The following TBC1D1 variants were observed in gnomAD, a reference collection of about 807,000 sequenced individuals.
The protein encoded by TBC1D1 is TBC1 domain family member 1.
In TBC1D1, 89 loss-of-function variants were observed where a neutral mutation model predicts 125.6. The observed-to-expected ratio is 0.71, with a 90% CI of 0.60 to 0.85. The LOEUF (loss-of-function observed/expected upper bound fraction) is 0.85, where lower values mean the gene tolerates loss of function less well. TBC1D1 is among the 40% of genes least tolerant of loss of function. The probability of loss-of-function intolerance (pLI) is 0.00; values close to 1 mark genes in which losing one functional copy is unlikely to be tolerated. For missense variants in TBC1D1, 1,377 were observed against 1,469.2 expected (o/e 0.94, Z 1.03); for synonymous variants, 565 against 564.1 (o/e 1.00, Z -0.02).
At chr4:38,097,467 G>A (rs184298401) in intron 14 of TBC1D1, among the ~76,000 whole-genome samples, 8 of 151,784 alleles carry the variant, frequency 5.3e-5, no homozygotes, top group African/African-American at 1.7e-4. Flanking sequence ...AGCCTCCTGA[G>A]TAGCTGGGAC....
At chr4:37,964,447 T>G (rs1455445319) in intron 2 of TBC1D1, among the ~76,000 whole-genome samples, 2 of 152,226 alleles carry the variant, frequency 1.3e-5, no homozygotes, top group Non-Finnish European at 2.9e-5. Flanking sequence ...CCCATTAGGC[T>G]GTGGCGAGGA....
intron 1 of TBC1D1, among the ~76,000 whole-genome samples, chr4:37,897,626 T>C (rs1294105153): frequency 1.3e-5 from 2 of 152,248 alleles, no homozygotes; most frequent in Non-Finnish European, 2.9e-5. Context: ...TGTACATCTA[T>C]ACTCTAAGAA....
At chr4:38,124,817 T>C (rs1764380402) in intron 17 of TBC1D1, 145 bp from the exon 20 acceptor site, 10 of 609,764 alleles carry the variant, frequency 1.6e-5, no homozygotes, top group East Asian at 1.3e-4. Context: ...GTCTGAGATA[T>C]CAGGCTCTTA....
intron 7 of TBC1D1, 24 bp from the exon 8 acceptor site, chr4:38,035,564 C>T (rs1389632536): frequency 1.9e-6 from 3 of 1,577,256 alleles, no homozygotes; most frequent in Admixed American, 1.7e-5. Flanking sequence ...AAAATAAATC[C>T]TGTTTCTGAT....
intron 15 of TBC1D1, among the ~76,000 whole-genome samples, chr4:38,112,719 G>A (rs1762390635): frequency 2.0e-5 from 3 of 152,206 alleles, no homozygotes; most frequent in Admixed American, 2.0e-4. Flanking sequence ...TAGTGAAATG[G>A]ATGATGTTCA....
In TBC1D1 at chr4:38,072,968, T is replaced by C. The variant is rs569984018; in HGVS notation, c.2051-16964T>C. 7.2e-5 allele frequency among the ~76,000 whole-genome samples: 11 copies of C among 152,368 alleles called. No homozygotes were observed. In the South Asian group the frequency reaches 2.1e-3, roughly 29 times the overall value. On this transcript the variant is annotated intron_variant, in intron 12 of 19. Coordinates refer to ENST00000261439, the MANE Select transcript of TBC1D1 (RefSeq NM_015173.4). ...GATTTCTCTCTTTTTTTTCCGCCTT[T>C]TTTTTGAGTTATATTCTGTTGTATG...
chr4:38,013,581 A>G (rs1741982501), intron 2 of TBC1D1, among the ~76,000 whole-genome samples: 1 of 152,160 alleles, frequency 6.6e-6, no homozygotes, highest in South Asian at 2.1e-4. Context: ...CTGGCCACAA[A>G]TATTAGTGTT....
intron 12 of TBC1D1, among the ~76,000 whole-genome samples, chr4:38,078,258 C>T (rs1393836970): frequency 6.6e-6 from 1 of 152,204 alleles, no homozygotes; most frequent in Non-Finnish European, 1.5e-5. Flanking sequence ...CAGCTCAAGG[C>T]CATCCCATGC....
At chr4:37,996,002 TG>T in intron 2 of TBC1D1, 1 of 527,946 alleles carries the variant, frequency 1.9e-6, no homozygotes. Context: ...GTGGGGGTTC[TG>T]GGATGGGGAT....
chr4:38,107,392 A>C (rs965029917), intron 15 of TBC1D1, among the ~76,000 whole-genome samples: 1 of 152,228 alleles, frequency 6.6e-6, no homozygotes, highest in Non-Finnish European at 1.5e-5. Context: ...TGGCTACCTC[A>C]AGGCCCAGTG....
At chr4:37,946,801 T>C (rs1254338684) in intron 2 of TBC1D1, among the ~76,000 whole-genome samples, 1 of 152,176 alleles carries the variant, frequency 6.6e-6, no homozygotes, top group Non-Finnish European at 1.5e-5. Flanking sequence ...ATGAGACATA[T>C]CTTCTCCTGG....
chr4:38,087,127 C>G (rs1240778605), intron 12 of TBC1D1, among the ~76,000 whole-genome samples: 1 of 152,108 alleles, frequency 6.6e-6, no homozygotes, highest in African/African-American at 2.4e-5. Flanking sequence ...GGTAAAAGCT[C>G]AACAAACTGT....
chr4:38,021,822 T>C (rs1356590801), intron 6 of TBC1D1, 104 bp downstream of exon 6: 2 of 1,276,412 alleles, frequency 1.6e-6, no homozygotes, highest in Non-Finnish European at 2.0e-6. Flanking sequence ...AACAGAGGCT[T>C]GTATTAGTCA....
intron 2 of TBC1D1, among the ~76,000 whole-genome samples, chr4:37,972,903 C>CAAAAAAA (rs33977382): frequency 2.9e-5 from 3 of 104,582 alleles, no homozygotes; most frequent in Admixed American, 9.6e-5. Flanking sequence ...ACTCCATCTC[C>CAAAAAAA]AAAAAAAAAA....
In TBC1D1 at chr4:38,096,059, C is replaced by G. The variant is rs1353143547; in HGVS notation, c.2367C>G (p.Asp789Glu). 3 of 1,612,978 alleles carry G rather than the reference C, an allele frequency of 1.9e-6. No homozygotes were observed. The highest frequency in any genetic ancestry group is 2.7e-5 in the African/African-American group (2 of 74,852). Residue 789 changes from aspartate (D) to glutamate (E), a missense_variant, in exon 14 of 20, where the codon GAC (aspartate) becomes GAG (glutamate). Coordinates refer to ENST00000261439, the MANE Select transcript of TBC1D1 (RefSeq NM_015173.4). ...CAGGAAGATCAAAAATTAAGTTTGA[C>G]ATGGAAAAAATGCACTCGGCTGTTG...
chr4:37,918,820 TC>T (rs1235787340), intron 2 of TBC1D1, among the ~76,000 whole-genome samples: 1 of 152,172 alleles, frequency 6.6e-6, no homozygotes, highest in Non-Finnish European at 1.5e-5. Context: ...AGTGTACAGT[TC>T]CCCTGTCAAC....
At chr4:37,984,906 C>T (rs1398137092) in intron 2 of TBC1D1, among the ~76,000 whole-genome samples, 2 of 151,696 alleles carry the variant, frequency 1.3e-5, no homozygotes, top group Admixed American at 6.6e-5. Context: ...GTAATATTCA[C>T]GAACATCTGT....
intron 1 of TBC1D1, among the ~76,000 whole-genome samples, chr4:37,894,686 C>T (rs1029843880): frequency 6.6e-6 from 1 of 152,088 alleles, no homozygotes; most frequent in Admixed American, 6.6e-5. Flanking sequence ...AGTGAGCACT[C>T]AATATTATTT....
intron 7 of TBC1D1, among the ~76,000 whole-genome samples, chr4:38,028,113 A>G (rs1330351516): frequency 6.7e-6 from 1 of 150,156 alleles, no homozygotes; most frequent in Non-Finnish European, 1.5e-5. Flanking sequence ...TGCTAAAAAA[A>G]CAAACAAACA....
Sources: gnomAD v4.1 joint callset for allele counts (sites outside exome capture counted in the v4.1 genomes callset) on GRCh38, gnomAD v4.1.1 for gene constraint, MANE v1.5 for transcripts, NCBI Gene and HGNC (gene_info 2026-07-23, HGNC 2026-07-21) for gene names.